Variants in MREG observed in about 807,000 individuals in gnomAD.
MREG encodes dilute suppressor protein homolog.
Under a neutral mutation model 28.5 loss-of-function variants are expected in MREG, and 31 were observed. That is an observed-to-expected ratio of 1.09 (90% CI 0.82 to 1.47). MREG has a LOEUF of 1.47. Ranked by LOEUF, MREG falls within the 40% of genes most tolerant of loss-of-function variation. The probability of loss-of-function intolerance (pLI) is 0.00; values close to 1 mark genes in which losing one functional copy is unlikely to be tolerated. For synonymous variants in MREG, 106 were observed against 95.2 expected, an observed-to-expected ratio of 1.11 and a Z score of -0.66; for missense variants, 256 against 257.4, an observed-to-expected ratio of 0.99 and a Z score of 0.04.
chr2:215,965,895 AAT>A (rs2105984721), intron 2 of MREG, among the ~76,000 whole-genome samples: 1 of 152,296 alleles, frequency 6.6e-6, no homozygotes, highest in African/African-American at 2.4e-5. Flanking sequence ...ACCTCCAGGT[AAT>A]GAGAGGAATG....
chr2:216,010,547 C>CG (rs1215774094), intron 1 of MREG, among the ~76,000 whole-genome samples: 1 of 150,320 alleles, frequency 6.7e-6, no homozygotes, highest in East Asian at 2.0e-4. Flanking sequence ...TTAGTAGAGA[C>CG]GGGGTTTCAC....
chr2:216,025,129 C>T (rs545321592), intron 1 of MREG, among the ~76,000 whole-genome samples: 1 of 152,284 alleles, frequency 6.6e-6, no homozygotes, highest in South Asian at 2.1e-4. Context: ...AAATGCACAT[C>T]TCATTTTAAT....
At chr2:216,014,106 A>G (rs1442950155), upstream of MREG, among the ~76,000 whole-genome samples, 1 of 152,036 alleles carries the variant, frequency 6.6e-6, no homozygotes, top group Non-Finnish European at 1.5e-5. Flanking sequence ...TGACCCAAAC[A>G]GCGGCATACT....
intron 2 of MREG, among the ~76,000 whole-genome samples, chr2:215,954,445 AACACACACACAC>A (rs3078454): frequency 2.9e-5 from 4 of 136,524 alleles, no homozygotes; most frequent in Non-Finnish European, 6.2e-5. Flanking sequence ...ATCTGTGTAC[AACACACACACAC>A]ACACACACAC....
chr2:216,028,420 C>T (rs1574664222), intron 1 of MREG, among the ~76,000 whole-genome samples: 1 of 148,550 alleles, frequency 6.7e-6, no homozygotes, highest in African/African-American at 2.5e-5. Context: ...CCCAGCTACT[C>T]GGGAGGCGGA....
At chr2:215,975,813 C>T (rs1372040301) in intron 2 of MREG, among the ~76,000 whole-genome samples, 1 of 152,162 alleles carries the variant, frequency 6.6e-6, no homozygotes, top group African/African-American at 2.4e-5. Flanking sequence ...GGGCCGGGCG[C>T]CGTGGCTCAC....
At chr2:215,974,852 A>ACACACACACACT (rs1553550318) in intron 2 of MREG, among the ~76,000 whole-genome samples, 10 of 107,542 alleles carry the variant, frequency 9.3e-5, no homozygotes, top group East Asian at 5.6e-4. Flanking sequence ...ACACACACAC[A>ACACACACACACT]CTCTCTCTCT....
chr2:215,986,325 C>T (rs1026678243), intron 2 of MREG, among the ~76,000 whole-genome samples: 11 of 152,124 alleles, frequency 7.2e-5, no homozygotes, highest in Non-Finnish European at 1.3e-4. Flanking sequence ...CTCAACATGG[C>T]GAGTGGGTTC....
At chr2:216,027,105 T>A (rs1694608109) in intron 1 of MREG, among the ~76,000 whole-genome samples, 2 of 152,222 alleles carry the variant, frequency 1.3e-5, no homozygotes, top group South Asian at 4.1e-4. Flanking sequence ...AAAATAATTA[T>A]CCGTTTGCAA....
At chr2:215,967,179 C>T (rs1194572612) in intron 2 of MREG, among the ~76,000 whole-genome samples, 1 of 152,208 alleles carries the variant, frequency 6.6e-6, no homozygotes, top group African/African-American at 2.4e-5. Flanking sequence ...CACGAAGCTG[C>T]CTTTTGGATC....
intron 2 of MREG, among the ~76,000 whole-genome samples, chr2:215,956,714 A>AT (rs777012073): frequency 5.3e-5 from 8 of 151,950 alleles, no homozygotes; most frequent in African/African-American, 1.2e-4. Context: ...AATTTTGTTT[A>AT]TTTTTTGTAG....
At chr2:216,030,785 A>C (rs1450207614) in intron 1 of MREG, among the ~76,000 whole-genome samples, 1 of 148,092 alleles carries the variant, frequency 6.8e-6, no homozygotes, top group Non-Finnish European at 1.5e-5. Flanking sequence ...CTGGTCTTGA[A>C]CTCTTGACCT....
chr2:215,945,419 G>A (rs1368214546), intron 4 of MREG, among the ~76,000 whole-genome samples, 152 bp downstream of exon 4: 1 of 152,104 alleles, frequency 6.6e-6, no homozygotes, highest in East Asian at 1.9e-4. Flanking sequence ...CTGATGCTGC[G>A]GGCCACTGGG....
chr2:216,007,956 T>C (rs1309245080), intron 1 of MREG, among the ~76,000 whole-genome samples: 2 of 152,168 alleles, frequency 1.3e-5, no homozygotes, highest in Non-Finnish European at 2.9e-5. Context: ...TATGCATTGA[T>C]TGGTTGACAG....
chr2:216,018,852 A>G (rs1694482396), intron 1 of MREG, among the ~76,000 whole-genome samples: 1 of 152,208 alleles, frequency 6.6e-6, no homozygotes, highest in Admixed American at 6.5e-5. Flanking sequence ...TGGCTATAAC[A>G]ATGAAGGTAC....
In MREG at chr2:215,974,091, C is replaced by T. The variant is rs73991211; in HGVS notation, c.255+22215G>A. ...ACTTTTCCTCACCTAGATTGTAATT[C>T]GACATAGCAATTATTTCAAGAGGGT... On this transcript the variant is annotated intron_variant, in intron 2 of 4. Coordinates refer to ENST00000263268, the MANE Select transcript of MREG (RefSeq NM_018000.3). Among the ~76,000 whole-genome samples the T allele has an allele frequency of 8.9e-3, 1,357 of 152,230 alleles. 27 individuals carry two copies. Among genetic ancestry groups the T allele is most frequent in the African/African-American group, 0.031 (1,279 of 41,520 alleles).
downstream of MREG, among the ~76,000 whole-genome samples, chr2:215,941,489 G>A (rs939019046): frequency 6.6e-6 from 1 of 152,182 alleles, no homozygotes; most frequent in African/African-American, 2.4e-5. Flanking sequence ...TTGTGTCTCA[G>A]CGCCCTCAGA....
chr2:215,966,230 C>A (rs907746942), intron 2 of MREG, among the ~76,000 whole-genome samples: 3 of 152,144 alleles, frequency 2.0e-5, no homozygotes, highest in Non-Finnish European at 4.4e-5. Context: ...CCTGCCTCTT[C>A]GGAATTATTA....
At chr2:216,031,497 A>G (rs1384882149) in intron 1 of MREG, among the ~76,000 whole-genome samples, 6 of 114,792 alleles carry the variant, frequency 5.2e-5, no homozygotes, top group South Asian at 2.4e-4. Flanking sequence ...AAGAAAGAGA[A>G]AGAAAGAGAG....
Sources: allele counts gnomAD v4.1 joint callset (sites outside exome capture counted in the v4.1 genomes callset), GRCh38; gene constraint gnomAD v4.1.1; transcripts MANE v1.5; gene names NCBI Gene and HGNC (gene_info 2026-07-23, HGNC 2026-07-21).